STX18: variants seen among roughly 807,000 people sequenced by gnomAD.
STX18 encodes syntaxin 18.
A neutral mutation model predicts 50.1 loss-of-function variants in STX18; 40 were observed. That is an observed-to-expected ratio of 0.80 (90% CI 0.62 to 1.04). The LOEUF (loss-of-function observed/expected upper bound fraction) is 1.04. Among genes scored for constraint, STX18 ranks in the 50% least tolerant of loss-of-function variants. The pLI, the probability that STX18 is intolerant of heterozygous loss-of-function variation, is 0.00. For synonymous variants in STX18, 158 were observed against 151.8 expected (o/e 1.04, Z -0.30); for missense variants, 410 against 415.8 (o/e 0.99, Z 0.12).
At chr4:4,469,194 C>T (rs905159213) in intron 2 of STX18, among the ~76,000 whole-genome samples, 1 of 152,180 alleles carries the variant, frequency 6.6e-6, no homozygotes, top group Non-Finnish European at 1.5e-5. Flanking sequence ...GCAGAGGTCA[C>T]GTCACCTGCA....
chr4:4,519,423 T>TTAA (rs1202651901), intron 1 of STX18, among the ~76,000 whole-genome samples: 2 of 151,564 alleles, frequency 1.3e-5, no homozygotes, highest in Admixed American at 6.6e-5. Context: ...TAGTCAAATG[T>TTAA]TAAGCTTTAT....
chr4:4,493,175 C>T (rs974376016), intron 1 of STX18, among the ~76,000 whole-genome samples: 1 of 152,116 alleles, frequency 6.6e-6, no homozygotes, highest in Non-Finnish European at 1.5e-5. Flanking sequence ...TTTGGAGAGG[C>T]CTGAAATAGG....
intron 1 of STX18, among the ~76,000 whole-genome samples, chr4:4,537,061 T>A (rs1441872562): frequency 6.6e-6 from 1 of 152,246 alleles, no homozygotes; most frequent in Non-Finnish European, 1.5e-5. Flanking sequence ...CAGTAGCCCC[T>A]GCTGCCTCTG....
At chr4:4,445,790 T>C (rs918921804) in intron 5 of STX18, among the ~76,000 whole-genome samples, 2 of 152,236 alleles carry the variant, frequency 1.3e-5, no homozygotes, top group Non-Finnish European at 2.9e-5. Flanking sequence ...ATAATCCCTA[T>C]AAACATTCTA....
Position 4,494,883 on chromosome 4 carries a change from G to C in STX18, c.169-23177C>G, listed in dbSNP as rs548674527. 4.1e-4 allele frequency among the ~76,000 whole-genome samples: 62 copies of C among 152,308 alleles called. No homozygotes were observed. In the South Asian group the frequency reaches 1.0e-2, roughly 24 times the overall value. ...TACAAAGGTCTAGAAAACAGAGAGAGAGTGACTTTTAACCTGAAAGCAGGA... is the reference window on the plus strand; with the variant it reads ...TACAAAGGTCTAGAAAACAGAGAGACAGTGACTTTTAACCTGAAAGCAGGA... On this transcript the variant is annotated intron_variant, in intron 1 of 10. Transcript: ENST00000306200.
In STX18 at chr4:4,541,912, G is replaced by C. The variant is rs762253349; in HGVS notation, c.53C>G (p.Thr18Arg). The stretch of plus-strand genomic sequence containing the variant: ...CGCCACTCCCAGCGCCTTGTTCCGC[G>C]TCTTCACGGTCTTGACGCTGGCCCG... ...LFRASVKTVK[T>R]RNKALGVAVG... The change falls in exon 1 of 11, where the codon ACG (threonine) becomes AGG (arginine). Residue 18 changes from threonine (T) to arginine (R), a missense_variant. Physicochemically the swap from Thr to Arg is moderately conservative, Grantham distance 71. Coordinates refer to ENST00000306200, the MANE Select transcript of STX18 (RefSeq NM_016930.4). 6.2e-7 allele frequency: 1 copy of C among 1,610,072 alleles called. No individual in the cohort carries two copies. Among genetic ancestry groups the C allele is most frequent in the Non-Finnish European group, 8.5e-7 (1 of 1,178,754 alleles).
intron 1 of STX18, among the ~76,000 whole-genome samples, chr4:4,538,195 T>C (rs965123834): frequency 6.6e-6 from 1 of 151,974 alleles, no homozygotes; most frequent in East Asian, 1.9e-4. Flanking sequence ...TCAACTTGAA[T>C]GTCAAGCCTA....
intron 7 of STX18, among the ~76,000 whole-genome samples, chr4:4,433,170 C>T (rs1192043260): frequency 6.6e-6 from 1 of 152,228 alleles, no homozygotes; most frequent in African/African-American, 2.4e-5. Context: ...ATAATTCCTA[C>T]TTGACTGGAT....
At chr4:4,481,426 C>T (rs1475232367) in intron 1 of STX18, among the ~76,000 whole-genome samples, 1 of 152,162 alleles carries the variant, frequency 6.6e-6, no homozygotes, top group Non-Finnish European at 1.5e-5. Flanking sequence ...CCAGTAGGTC[C>T]CTCTGGCATA....
At chr4:4,464,341 GT>G (rs1316180858) in intron 2 of STX18, among the ~76,000 whole-genome samples, 2 of 152,152 alleles carry the variant, frequency 1.3e-5, no homozygotes, top group Admixed American at 1.3e-4. Context: ...TGCTTATAAT[GT>G]TTTTTTCTCT....
intron 1 of STX18, among the ~76,000 whole-genome samples, chr4:4,475,809 T>C (rs1728147727): frequency 6.6e-6 from 1 of 152,210 alleles, no homozygotes; most frequent in African/African-American, 2.4e-5. Flanking sequence ...TTTGTAGATA[T>C]GGGGTCTTGC....
intron 7 of STX18, among the ~76,000 whole-genome samples, chr4:4,434,341 G>A (rs906033432): frequency 1.2e-4 from 18 of 152,158 alleles, no homozygotes; most frequent in African/African-American, 4.3e-4. Flanking sequence ...CCAGAAGGCA[G>A]GTAACTAAAA....
At chr4:4,430,118 T>C (rs1034377978) in intron 7 of STX18, among the ~76,000 whole-genome samples, 4 of 152,246 alleles carry the variant, frequency 2.6e-5, no homozygotes, top group African/African-American at 9.6e-5. Context: ...ATGAGTTATA[T>C]AGGGAAATTT....
At chr4:4,533,882 T>C (rs1731215611) in intron 1 of STX18, among the ~76,000 whole-genome samples, 1 of 152,254 alleles carries the variant, frequency 6.6e-6, no homozygotes, top group Non-Finnish European at 1.5e-5. Flanking sequence ...GAATCAACTA[T>C]CCCTGAGAAT....
rs1290087057 is a variant in STX18, at chr4:4,499,393, A to G, written c.169-27687T>C. On this transcript the variant is annotated intron_variant, in intron 1 of 10. Coordinates refer to ENST00000306200, the MANE Select transcript of STX18 (RefSeq NM_016930.4). ...AAAGTGGAATGGAGGACTTCAAAAT[A>G]TTCAAAGATTTTTCAAAGATTCTGA... 1.0e-5 allele frequency: 6 copies of G among 600,256 alleles called. No homozygotes were observed. In the African/African-American group the frequency reaches 1.2e-4, roughly 12 times the overall value. 37.2% of individuals were successfully genotyped at this position (600,256 alleles called of 1,614,324 possible).
intron 1 of STX18, among the ~76,000 whole-genome samples, chr4:4,492,924 A>C (rs998994903): frequency 6.6e-6 from 1 of 152,216 alleles, no homozygotes; most frequent in Non-Finnish European, 1.5e-5. Flanking sequence ...GTGTACTTCC[A>C]AATTTAACTT....
At chr4:4,488,066 C>A (rs1362847898) in intron 1 of STX18, among the ~76,000 whole-genome samples, 2 of 151,590 alleles carry the variant, frequency 1.3e-5, no homozygotes, top group Admixed American at 1.3e-4. Flanking sequence ...CTAATTTTTG[C>A]AAATATTTTA....
intron 1 of STX18, among the ~76,000 whole-genome samples, chr4:4,539,674 CAT>C (rs1031494667): frequency 7.9e-5 from 12 of 152,216 alleles, no homozygotes; most frequent in Non-Finnish European, 1.0e-4. Context: ...AACCCTGTGA[CAT>C]ATGCACAAAG....
chr4:4,472,956 A>G (rs1041123128), intron 1 of STX18, among the ~76,000 whole-genome samples: 13 of 152,260 alleles, frequency 8.5e-5, no homozygotes, highest in African/African-American at 3.1e-4. Flanking sequence ...AAATCAAAGA[A>G]AAAGAATTAA....
Sources: allele counts gnomAD v4.1 joint callset (sites outside exome capture counted in the v4.1 genomes callset), GRCh38; gene constraint gnomAD v4.1.1; transcripts MANE v1.5; gene names NCBI Gene and HGNC (gene_info 2026-07-23, HGNC 2026-07-21).